PRUNE2: variants seen among roughly 807,000 people sequenced by gnomAD.
PRUNE2 encodes the protein prune homolog 2 with BCH domain.
Under a neutral mutation model 252.0 loss-of-function variants are expected in PRUNE2, and 164 were observed. The observed-to-expected ratio is 0.65, with a 90% CI of 0.57 to 0.74. The LOEUF is 0.74. PRUNE2 is among the 30% of genes least tolerant of loss of function. The pLI, the probability that PRUNE2 is intolerant of heterozygous loss-of-function variation, is 0.00. For missense variants in PRUNE2, 3,495 were observed against 3,711.0 expected (o/e 0.94, Z 1.51); for synonymous variants, 1,292 against 1,350.2 (o/e 0.96, Z 0.94).
intron 3 of PRUNE2, among the ~76,000 whole-genome samples, chr9:76,849,291 T>G (rs753435125): frequency 6.6e-6 from 1 of 152,158 alleles, no homozygotes; most frequent in African/African-American, 2.4e-5. Flanking sequence ...TTGAGCTACA[T>G]GAATATTCAA....
At chr9:76,838,277 C>T (rs935319522) in intron 4 of PRUNE2, among the ~76,000 whole-genome samples, 1 of 151,642 alleles carries the variant, frequency 6.6e-6, no homozygotes, top group Non-Finnish European at 1.5e-5. Flanking sequence ...AGTAGATTCT[C>T]CATTTAATAC....
intron 9 of PRUNE2, among the ~76,000 whole-genome samples, chr9:76,687,451 C>T (rs562935825): frequency 6.6e-6 from 1 of 152,278 alleles, no homozygotes. Flanking sequence ...CTAAATCCTG[C>T]TTTTCAGGGC....
chr9:76,871,252 T>C (rs2061180481), intron 1 of PRUNE2, among the ~76,000 whole-genome samples: 1 of 152,246 alleles, frequency 6.6e-6, no homozygotes, highest in African/African-American at 2.4e-5. Context: ...GTACTGAACA[T>C]ATGCGGACTT....
At chr9:76,814,545 A>C (rs2057558877) in intron 6 of PRUNE2, among the ~76,000 whole-genome samples, 1 of 152,156 alleles carries the variant, frequency 6.6e-6, no homozygotes, top group African/African-American at 2.4e-5. Flanking sequence ...TTAAGCCTCT[A>C]GGTTTTGGGG....
chr9:76,845,885 G>T (rs551200280), intron 4 of PRUNE2, among the ~76,000 whole-genome samples: 1 of 152,276 alleles, frequency 6.6e-6, no homozygotes, highest in South Asian at 2.1e-4. Flanking sequence ...ACAATTTCTA[G>T]CTTGAAAACC....
At chr9:76,814,124 T>C (rs2057534115) in intron 6 of PRUNE2, among the ~76,000 whole-genome samples, 1 of 152,208 alleles carries the variant, frequency 6.6e-6, no homozygotes, top group African/African-American at 2.4e-5. Context: ...ATGTATCATA[T>C]ATATCCTTCA....
intron 6 of PRUNE2, among the ~76,000 whole-genome samples, chr9:76,749,905 TA>T (rs1250774660): frequency 6.6e-6 from 1 of 152,174 alleles, no homozygotes; most frequent in Non-Finnish European, 1.5e-5. Flanking sequence ...GATCTTGAAA[TA>T]GTATTTGCTC....
intron 11 of PRUNE2, among the ~76,000 whole-genome samples, chr9:76,650,362 A>G (rs1846921320): frequency 6.6e-6 from 1 of 151,904 alleles, no homozygotes; most frequent in Non-Finnish European, 1.5e-5. Context: ...TCATTAAAAG[A>G]AAATAAATTA....
intron 4 of PRUNE2, among the ~76,000 whole-genome samples, chr9:76,832,585 GC>G (rs1027744512): frequency 6.6e-6 from 1 of 151,876 alleles, no homozygotes. Context: ...CTCAAGTTGT[GC>G]TCTAAGGAAA....
rs778837245 is a variant in PRUNE2, at chr9:76,708,961, G to C, written c.3313C>G (p.Arg1105Gly). 4.3e-6 allele frequency: 7 copies of C among 1,613,976 alleles called. No individual in the cohort carries two copies. Among genetic ancestry groups the C allele is most frequent in the East Asian group, 2.2e-5 (1 of 44,884 alleles). Residue 1105 changes from arginine to glycine, a missense_variant, in exon 8 of 19, where the codon CGG becomes GGG. Physicochemically the swap from Arg to Gly is moderately radical, Grantham distance 125. Coordinates refer to ENST00000376718, the MANE Select transcript of PRUNE2 (RefSeq NM_015225.3). ...TCGAGACTGTCAGGGGCCGTCTGCC[G>C]GGAGTTGGTGCTGCTGTGCAAAAGT... ...LTLLHSSTNS[R>G]QTAPDSLDLW...
In PRUNE2 at chr9:76,707,471, A is replaced by G; in HGVS notation, c.4803T>C (p.Asp1601=). ...ACTCATTTATTCTGTTTTTCTCTAA[A>G]TCCTTCACTTTGGTAACTATTTCTA... ...GQVEIVTKVK[D]LEKNRINEFE... The change falls in exon 8 of 19, where the codon GAT becomes GAC. Residue 1601 remains aspartate (D), a synonymous_variant. Coordinates refer to ENST00000376718, the MANE Select transcript of PRUNE2 (RefSeq NM_015225.3). 1 of 1,613,844 alleles carries G rather than the reference A, an allele frequency of 6.2e-7. No homozygotes were observed. The highest frequency in any genetic ancestry group is 8.5e-7 in the Non-Finnish European group (1 of 1,179,848).
intron 6 of PRUNE2, among the ~76,000 whole-genome samples, chr9:76,741,922 T>C (rs572373703): frequency 3.3e-5 from 5 of 152,344 alleles, no homozygotes; most frequent in South Asian, 2.1e-4. Flanking sequence ...ACCCACAACA[T>C]ATATGACAGG....
At chr9:76,644,975 A>G (rs750175828) in intron 11 of PRUNE2, 66 bp from the exon 12 acceptor site, 716 of 1,441,878 alleles carry the variant, frequency 5.0e-4, no homozygotes, top group Non-Finnish European at 6.3e-4. Flanking sequence ...CTAAACAGCC[A>G]AATGGTAAGC....
rs1466158591 is a variant in PRUNE2, at chr9:76,615,768, G to GGTTTT, written c.9237-1173_9237-1169dup. Among the ~76,000 whole-genome samples, 216 of 30,184 alleles carry GGTTTT rather than the reference G, an allele frequency of 7.2e-3. 6 individuals carry two copies. The highest frequency in any genetic ancestry group is 0.019 in the African/African-American group (204 of 10,762). 19.8% of individuals were successfully genotyped at this position (30,184 alleles called of 152,430 possible). A position where few individuals can be genotyped will look rare whatever the true frequency, so the allele number is the denominator to read the frequency against. On this transcript the variant is annotated intron_variant, in intron 18 of 18. Coordinates refer to ENST00000376718, the MANE Select transcript of PRUNE2 (RefSeq NM_015225.3). ...TTTTTTGTTGTTGTTTTGTGTGTGT[G>GGTTTT]GTTTTTTTTTTTTTTTTTTTGAGAT...
intron 6 of PRUNE2, among the ~76,000 whole-genome samples, chr9:76,743,041 T>A (rs2049786471): frequency 6.6e-6 from 1 of 152,100 alleles, no homozygotes; most frequent in South Asian, 2.1e-4. Flanking sequence ...TGAGTTCTCA[T>A]GAGATCTGAT....
At chr9:76,881,652 C>T (rs1405500276) in intron 1 of PRUNE2, among the ~76,000 whole-genome samples, 2 of 150,936 alleles carry the variant, frequency 1.3e-5, no homozygotes, top group Non-Finnish European at 2.9e-5. Flanking sequence ...GATGGAGTCT[C>T]ACTCTGTCAC....
rs1429551897 is a variant in PRUNE2 at position 76,710,140 on chromosome 9, T to C, written c.2134A>G (p.Lys712Glu). 2 of 1,613,910 alleles carry C rather than the reference T, an allele frequency of 1.2e-6. No individual in the cohort carries two copies. Among genetic ancestry groups the C allele is most frequent in the African/African-American group, 1.3e-5 (1 of 75,030 alleles). Residue 712 changes from lysine (K) to glutamate (E), a missense_variant, in exon 8 of 19, where the codon AAG (lysine) becomes GAG (glutamate). Coordinates refer to ENST00000376718, the MANE Select transcript of PRUNE2 (RefSeq NM_015225.3). ...AATTCAGACTCCCAGGGACCTGACT[T>C]TGTAAATTCGAGGCTCTTTGGTTGA... Reference protein sequence around the residue: ...VFQPKSLEFTKSGPWESEFGQ... With the variant: ...VFQPKSLEFTESGPWESEFGQ...
At chr9:76,699,063 C>T (rs1057085652) in intron 9 of PRUNE2, among the ~76,000 whole-genome samples, 7 of 146,326 alleles carry the variant, frequency 4.8e-5, no homozygotes, top group Non-Finnish European at 1.0e-4. Context: ...CTCCATCCCC[C>T]ATGGCTGCCT....
intron 6 of PRUNE2, among the ~76,000 whole-genome samples, chr9:76,728,069 A>C (rs1402818484): frequency 6.6e-6 from 1 of 152,060 alleles, no homozygotes; most frequent in Admixed American, 6.6e-5. Flanking sequence ...TTCCTGAAAA[A>C]TCTATCTTTT....
Sources: allele counts gnomAD v4.1 joint callset (sites outside exome capture counted in the v4.1 genomes callset), GRCh38; gene constraint gnomAD v4.1.1; transcripts MANE v1.5; gene names NCBI Gene and HGNC (gene_info 2026-07-23, HGNC 2026-07-21).